VPS13B: variants seen among roughly 807,000 people sequenced by gnomAD.
VPS13B encodes the protein vacuolar protein sorting 13 homolog B.
In VPS13B, 285 loss-of-function variants were observed where a neutral mutation model predicts 426.4. The ratio of observed to expected loss-of-function variants is 0.67; its 90% CI spans 0.61 to 0.74. VPS13B has a LOEUF of 0.74. VPS13B is among the 30% of genes least tolerant of loss of function. VPS13B has a pLI of 0.00. For synonymous variants in VPS13B, 1,676 were observed against 1,676.4 expected (o/e 1.00, Z 0.01); for missense variants, 4,537 against 4,782.6 (o/e 0.95, Z 1.51).
intron 39 of VPS13B, among the ~76,000 whole-genome samples, chr8:99,729,388 G>C (rs1455769237): frequency 6.6e-6 from 1 of 152,108 alleles, no homozygotes; most frequent in Admixed American, 6.6e-5. Flanking sequence ...TCTGCATCTG[G>C]AGAAAAGCCT....
At chr8:99,394,356 T>G (rs1172202959) in intron 21 of VPS13B, among the ~76,000 whole-genome samples, 1 of 152,172 alleles carries the variant, frequency 6.6e-6, no homozygotes, top group Non-Finnish European at 1.5e-5. Context: ...ATTTTGCTTT[T>G]TAATTATTCA....
chr8:99,477,369 A>C (rs1262936005), intron 24 of VPS13B, among the ~76,000 whole-genome samples: 1 of 152,076 alleles, frequency 6.6e-6, no homozygotes, highest in Non-Finnish European at 1.5e-5. Flanking sequence ...TTTGTTTTTA[A>C]AATATATTTG....
Position 99,038,576 on chromosome 8 carries a change from TATTG to T in VPS13B, c.291+12_291+15del. 6.2e-7 allele frequency: 1 copy of T among 1,610,924 alleles called. No homozygotes were observed. Among genetic ancestry groups the T allele is most frequent in the Non-Finnish European group, 8.5e-7 (1 of 1,178,054 alleles). On this transcript the variant is annotated intron_variant, in intron 3 of 61. Coordinates refer to ENST00000357162, the MANE Select transcript of VPS13B (RefSeq NM_152564.5). Reference sequence around the variant, plus strand: ...TAAGGATGGGATACAGGTAAGAAATTATTGAACCAAGTTGTTTATGTTAACTAAT... The same window carrying T: ...TAAGGATGGGATACAGGTAAGAAATTAACCAAGTTGTTTATGTTAACTAAT...
At chr8:99,203,075 G>A (rs1014548771) in intron 17 of VPS13B, among the ~76,000 whole-genome samples, 1 of 150,826 alleles carries the variant, frequency 6.6e-6, no homozygotes, top group African/African-American at 2.4e-5. Context: ...AAAATTTCAG[G>A]CTGATATCCC....
intron 17 of VPS13B, among the ~76,000 whole-genome samples, chr8:99,251,537 T>C (rs79477531): frequency 0.056 from 8,577 of 152,278 alleles, 276 homozygotes; most frequent in African/African-American, 0.089. Context: ...GTATTATTTA[T>C]ATTTGTATTT....
chr8:99,606,292 T>G (rs889818599), intron 33 of VPS13B, among the ~76,000 whole-genome samples: 1 of 152,124 alleles, frequency 6.6e-6, no homozygotes, highest in African/African-American at 2.4e-5. Flanking sequence ...CTCTTGCTGC[T>G]ATAGAAATTA....
intron 35 of VPS13B, among the ~76,000 whole-genome samples, chr8:99,674,614 G>C (rs537934372): frequency 4.6e-5 from 7 of 152,096 alleles, no homozygotes; most frequent in Non-Finnish European, 1.0e-4. Context: ...CTGCCATTTT[G>C]TCAATTGTCT....
At chr8:99,320,260 A>AT (rs1206769611) in intron 19 of VPS13B, among the ~76,000 whole-genome samples, 2 of 152,024 alleles carry the variant, frequency 1.3e-5, no homozygotes, top group African/African-American at 2.4e-5. Context: ...GCATCCTGAT[A>AT]TTTTTTCTTA....
intron 54 of VPS13B, among the ~76,000 whole-genome samples, chr8:99,844,393 C>A (rs1815869681): frequency 7.4e-6 from 1 of 134,436 alleles, no homozygotes; most frequent in Admixed American, 7.9e-5. Context: ...GACGGAGTTT[C>A]ACTCTTGTTG....
At chr8:99,128,211 AC>A (rs910826608) in intron 8 of VPS13B, among the ~76,000 whole-genome samples, 40 of 151,418 alleles carry the variant, frequency 2.6e-4, no homozygotes, top group African/African-American at 9.0e-4. Context: ...CAACATGGAA[AC>A]CCCGTCTTTA....
intron 43 of VPS13B, among the ~76,000 whole-genome samples, chr8:99,803,233 A>T (rs1305172372): frequency 2.0e-5 from 3 of 152,170 alleles, no homozygotes; most frequent in East Asian, 3.9e-4. Context: ...TATTCCAACC[A>T]GCTTTTTATG....
intron 11 of VPS13B, among the ~76,000 whole-genome samples, chr8:99,136,147 A>T (rs918350457): frequency 6.6e-6 from 1 of 152,054 alleles, no homozygotes; most frequent in Non-Finnish European, 1.5e-5. Flanking sequence ...ATCAGTTAAA[A>T]ATTCAGATAA....
chr8:99,161,948 G>T (rs558334787), intron 15 of VPS13B, among the ~76,000 whole-genome samples: 2 of 152,178 alleles, frequency 1.3e-5, no homozygotes, highest in East Asian at 1.9e-4. Context: ...GACCAGGCTG[G>T]TCTCGAACTC....
intron 24 of VPS13B, among the ~76,000 whole-genome samples, chr8:99,472,318 A>AT (rs1441441318): frequency 8.5e-5 from 13 of 152,092 alleles, no homozygotes; most frequent in African/African-American, 2.4e-5. Flanking sequence ...TTTTTTACAG[A>AT]TATACATGGT....
intron 19 of VPS13B, among the ~76,000 whole-genome samples, chr8:99,334,134 A>G (rs974259885): frequency 1.3e-5 from 2 of 151,996 alleles, no homozygotes; most frequent in Non-Finnish European, 2.9e-5. Context: ...TTTATAAAAA[A>G]CTACTAGACT....
At chr8:99,412,605 A>G (rs970915479) in intron 21 of VPS13B, among the ~76,000 whole-genome samples, 3 of 152,148 alleles carry the variant, frequency 2.0e-5, no homozygotes, top group Non-Finnish European at 4.4e-5. Flanking sequence ...TTCCAATACT[A>G]TGTGGAATAG....
chr8:99,723,663 A>T lies in VPS13B; in HGVS notation c.7050+2616A>T, dbSNP rs529850395. Among the ~76,000 whole-genome samples, 44 of 152,282 alleles carry T rather than the reference A, an allele frequency of 2.9e-4. 1 individual carries two copies. Among genetic ancestry groups the T allele is most frequent in the Admixed American group, 2.4e-3 (37 of 15,300 alleles). On this transcript the variant is annotated intron_variant, in intron 39 of 61. Coordinates refer to ENST00000357162, the MANE Select transcript of VPS13B (RefSeq NM_152564.5). ...ACCAGCTGGAGTAGTCCAGGAGATC[A>T]GAGAGTCCCAGGGACCCAGACAGTA...
At chr8:99,744,235 C>T (rs1416712618) in intron 39 of VPS13B, among the ~76,000 whole-genome samples, 1 of 152,126 alleles carries the variant, frequency 6.6e-6, no homozygotes. Flanking sequence ...TCATCACTGG[C>T]CATCAGAGAA....
intron 19 of VPS13B, among the ~76,000 whole-genome samples, chr8:99,277,007 T>C (rs1588201297): frequency 6.6e-6 from 1 of 152,094 alleles, no homozygotes; most frequent in East Asian, 1.9e-4. Flanking sequence ...CCTTTTATAA[T>C]TTAAATGCAT....
Sources: gnomAD v4.1 joint callset for allele counts (sites outside exome capture counted in the v4.1 genomes callset) on GRCh38, gnomAD v4.1.1 for gene constraint, MANE v1.5 for transcripts, NCBI Gene and HGNC (gene_info 2026-07-23, HGNC 2026-07-21) for gene names.